TGM7: variants seen among roughly 807,000 people sequenced by gnomAD.
The protein encoded by TGM7 is transglutaminase 7, also known as protein-glutamine gamma-glutamyltransferase Z.
TGM7 carries 74 observed loss-of-function variants against 79.5 expected under a neutral mutation model. That is an observed-to-expected ratio of 0.93 (90% CI 0.77 to 1.13). The LOEUF is 1.13. TGM7 is among the 50% of genes most tolerant of loss of function. The pLI, the probability that TGM7 is intolerant of heterozygous loss-of-function variation, is 0.00. For synonymous variants in TGM7, 354 were observed against 362.5 expected (o/e 0.98, Z 0.27); for missense variants, 912 against 905.9 (o/e 1.01, Z -0.09).
chr15:43,291,861 C>T (rs548765537), intron 4 of TGM7, 118 bp downstream of exon 4: 25 of 691,528 alleles, frequency 3.6e-5, no homozygotes, highest in Middle Eastern at 3.9e-4. Context: ...CTCACACCCT[C>T]GCCTGTATTA....
rs746426383 is a variant in TGM7, at chr15:43,279,830, C to G, written c.1473G>C (p.Gln491His). The G allele has an allele frequency of 1.2e-6, 2 of 1,614,246 alleles. No individual in the cohort carries two copies. Among genetic ancestry groups the G allele is most frequent in the Non-Finnish European group, 1.7e-6 (2 of 1,180,050 alleles). The change falls in exon 10 of 13, where the codon CAG becomes CAC. Residue 491 changes from glutamine to histidine, a missense_variant. Gln to His is a conservative substitution (Grantham distance 24). Transcript: ENST00000452443. ...ESGGLRDQPA[Q>H]LQLHLARIPE... is the part of the protein sequence containing the mutation. ...GTATCCTGGCCAGGTGAAGCTGCAG[C>G]TGCGCTGGCTGATCCCTAAGACCCC...
In TGM7 at chr15:43,279,698, G is replaced by C. The variant is rs775588752; in HGVS notation, c.1605C>G (p.Ala535=). Residue 535 remains alanine, a synonymous_variant, in exon 10 of 13, where the codon GCC becomes GCG. Transcript: ENST00000452443. The part of the protein sequence containing the change: ...IGLVVRFCAQ[A]LLHGGGTQKP... Reference sequence around the variant, plus strand: ...TCTGGGTACCACCCCCATGCAGCAGGGCCTGTGCACAGAAGCGCACCACCA... The same window carrying C: ...TCTGGGTACCACCCCCATGCAGCAGCGCCTGTGCACAGAAGCGCACCACCA... The C allele has an allele frequency of 6.2e-7, 1 of 1,613,924 alleles. No individual in the cohort carries two copies. Among genetic ancestry groups the C allele is most frequent in the Admixed American group, 1.7e-5 (1 of 60,006 alleles).
intron 1 of TGM7, among the ~76,000 whole-genome samples, chr15:43,299,888 G>A (rs138975982): frequency 1.3e-5 from 2 of 152,266 alleles, no homozygotes; most frequent in East Asian, 3.9e-4. Context: ...CTCTTTTAGT[G>A]TGCAAGAATA....
Position 43,287,624 on chromosome 15 carries a change from T to C in TGM7, c.604A>G (p.Ser202Gly). ...GCCGGGTTCTTTAAGTGATACAGGC[T>C]CTTGTTCAGGATCTCAAAGCAGATG... Reference protein sequence around the residue: ...IDICFEILNKSLYHLKNPAKD... With the variant: ...IDICFEILNKGLYHLKNPAKD... Residue 202 changes from serine (S) to glycine (G), a missense_variant, in exon 5 of 13, where the codon AGC becomes GGC. Ser to Gly is a moderately conservative substitution (Grantham distance 56, BLOSUM62 0). Coordinates refer to ENST00000452443, the MANE Select transcript of TGM7 (RefSeq NM_052955.3). The C allele has an allele frequency of 6.2e-7, 1 of 1,614,140 alleles. No homozygotes were observed. The highest frequency in any genetic ancestry group is 8.5e-7 in the Non-Finnish European group (1 of 1,180,026).
chr15:43,295,102 C>T (rs952277294), intron 1 of TGM7, among the ~76,000 whole-genome samples: 1 of 152,200 alleles, frequency 6.6e-6, no homozygotes, highest in African/African-American at 2.4e-5. Flanking sequence ...CAGCATCTCC[C>T]TATGTTGCCC....
chr15:43,289,276 T>G (rs1202102265), intron 4 of TGM7, among the ~76,000 whole-genome samples: 2 of 152,170 alleles, frequency 1.3e-5, no homozygotes, highest in Non-Finnish European at 2.9e-5. Context: ...TGTGTTCTCA[T>G]TGTTCAATTC....
At position 43,292,699 on chromosome 15, in the gene TGM7, C is replaced by T. The variant is rs2142416157; in HGVS notation, c.439+10G>A. 2 of 1,613,564 alleles carry T rather than the reference C, an allele frequency of 1.2e-6. No individual in the cohort carries two copies. The highest frequency in any genetic ancestry group is 1.7e-6 in the Non-Finnish European group (2 of 1,179,640). On this transcript the variant is annotated intron_variant, in intron 3 of 12. Transcript: ENST00000452443. Reference sequence around the variant, plus strand: ...TCAGGTTAGCAATACAAGCTGTGGGCACATCCTACCTGGACTCCAAGGGTT... The same window carrying T: ...TCAGGTTAGCAATACAAGCTGTGGGTACATCCTACCTGGACTCCAAGGGTT...
intron 1 of TGM7, among the ~76,000 whole-genome samples, chr15:43,297,621 GAA>G (rs1419075628): frequency 1.1e-4 from 16 of 151,268 alleles, no homozygotes; most frequent in Non-Finnish European, 1.9e-4. Flanking sequence ...AAGAAAGAAA[GAA>G]AGAAAGAAAG....
chr15:43,300,530 G>A (rs572502289), intron 1 of TGM7, among the ~76,000 whole-genome samples: 2 of 152,298 alleles, frequency 1.3e-5, no homozygotes, highest in African/African-American at 4.8e-5. Context: ...GGCCGGGCGC[G>A]GTGGCTCACG....
intron 7 of TGM7, among the ~76,000 whole-genome samples, chr15:43,284,246 A>C (rs1172446145): frequency 6.6e-6 from 1 of 152,204 alleles, no homozygotes; most frequent in African/African-American, 2.4e-5. Flanking sequence ...AACTGGCTGG[A>C]AAAAGAGAAA....
At chr15:43,300,809 A>C (rs2043021806) in intron 1 of TGM7, among the ~76,000 whole-genome samples, 1 of 152,182 alleles carries the variant, frequency 6.6e-6, no homozygotes, top group South Asian at 2.1e-4. Flanking sequence ...CGTCTCAAAA[A>C]TATATGTGTA....
intron 1 of TGM7, among the ~76,000 whole-genome samples, chr15:43,300,356 T>C (rs1282929815): frequency 1.3e-5 from 2 of 152,240 alleles, no homozygotes; most frequent in African/African-American, 4.8e-5. Context: ...ACTTGGCCAG[T>C]GTCACCTACT....
intron 7 of TGM7, among the ~76,000 whole-genome samples, chr15:43,284,336 A>C (rs925386088): frequency 1.7e-5 from 2 of 114,348 alleles, no homozygotes; most frequent in Non-Finnish European, 3.2e-5. Flanking sequence ...AAAGGGATGC[A>C]CAGAGATACA....
intron 4 of TGM7, among the ~76,000 whole-genome samples, chr15:43,288,520 T>C (rs1359491105): frequency 1.3e-5 from 2 of 152,130 alleles, no homozygotes; most frequent in Admixed American, 1.3e-4. Flanking sequence ...GTTACAATCA[T>C]GTATTCTGAT....
chr15:43,293,926 T>A (rs1295301925), intron 1 of TGM7, among the ~76,000 whole-genome samples: 1 of 30,384 alleles, frequency 3.3e-5, no homozygotes, highest in Non-Finnish European at 5.8e-5. Flanking sequence ...GGGAGTGGGG[T>A]GTGCGGGGGG....
rs188831335 is a variant in TGM7 at position 43,284,666 on chromosome 15, G to A, written c.1004+148C>T. On this transcript the variant is annotated intron_variant, in intron 7 of 12. Transcript: ENST00000452443. The stretch of plus-strand genomic sequence containing the variant: ...ACCTAATTAGCCAGAACAGCCTCCT[G>A]GGTTGGGGAATTCTTCTCTTCTCTG... The A allele has an allele frequency of 7.4e-4, 721 of 968,288 alleles. 1 individual carries two copies. The highest frequency in any genetic ancestry group is 6.3e-3 in the African/African-American group (388 of 61,712). The allele number at this position is 968,288 out of a possible 1,614,324, so 60.0% of individuals were successfully genotyped here. A position where few individuals can be genotyped will look rare whatever the true frequency, so the allele number is the denominator to read the frequency against.
At chr15:43,282,400 C>T (rs900547413) in intron 8 of TGM7, 117 bp downstream of exon 8, 8 of 925,728 alleles carry the variant, frequency 8.6e-6, no homozygotes, top group Non-Finnish European at 1.3e-5. Context: ...CAGCTGGGAC[C>T]TCGGGAAGAG....
At position 43,282,513 on chromosome 15, in the gene TGM7, T is replaced by C; in HGVS notation, c.1108+4A>G. 1 of 1,579,910 alleles carries C rather than the reference T, an allele frequency of 6.3e-7. No homozygotes were observed. Among genetic ancestry groups the C allele is most frequent in the Non-Finnish European group, 8.6e-7 (1 of 1,161,330 alleles). The stretch of plus-strand genomic sequence containing the variant: ...CAGAGCCTGTTGCAATGGTCCTCAC[T>C]CACCACTGCTGGTCTGCTGGGGAGT... On this transcript the variant is annotated splice_donor_region_variant and intron_variant, in intron 8 of 12. Transcript: ENST00000452443.
chr15:43,284,940 A>G lies in TGM7; in HGVS notation c.878T>C (p.Leu293Ser). 6.2e-7 allele frequency: 1 copy of G among 1,614,152 alleles called. No homozygotes were observed. Among genetic ancestry groups the G allele is most frequent in the Non-Finnish European group, 8.5e-7 (1 of 1,179,972 alleles). Residue 293 changes from leucine to serine, a missense_variant, in exon 7 of 13, where the codon TTA becomes TCA. Transcript: ENST00000452443. ...ASVMCTVMRC[L>S]GVPTRVVSNF... Reference sequence around the variant, plus strand: ...GGAAACAACACGGGTTGGAACACCTAAGCATCTCATTACTAAAGAGAAAAA... The same window carrying G: ...GGAAACAACACGGGTTGGAACACCTGAGCATCTCATTACTAAAGAGAAAAA...
Sources: gnomAD v4.1 joint callset for allele counts (sites outside exome capture counted in the v4.1 genomes callset) on GRCh38, gnomAD v4.1.1 for gene constraint, MANE v1.5 for transcripts, NCBI Gene and HGNC (gene_info 2026-07-23, HGNC 2026-07-21) for gene names.